The following ARHGEF28 variants were observed in gnomAD, a reference collection of about 807,000 sequenced individuals.
ARHGEF28 encodes Rho guanine nucleotide exchange factor 28, also known as 190 kDa guanine nucleotide exchange factor.
ARHGEF28 carries 152 observed loss-of-function variants against 206.6 expected under a neutral mutation model. That is an observed-to-expected ratio of 0.74 (90% CI 0.64 to 0.84). The LOEUF (loss-of-function observed/expected upper bound fraction) is 0.84, where lower values mean the gene tolerates loss of function less well. ARHGEF28 is among the 40% of genes least tolerant of loss of function. The pLI is 0.00. For synonymous variants in ARHGEF28, 763 were observed against 776.4 expected, an observed-to-expected ratio of 0.98 and a Z score of 0.29; for missense variants, 2,028 against 2,073.2, an observed-to-expected ratio of 0.98 and a Z score of 0.42.
intron 3 of ARHGEF28, 31 bp from the exon 4 acceptor site, chr5:73,752,878 G>A (rs745570406): frequency 1.6e-5 from 25 of 1,611,614 alleles, no homozygotes; most frequent in Non-Finnish European, 2.1e-5. Flanking sequence ...CTACAGACTT[G>A]GGGTGAACTG....
chr5:73,647,766 G>A (rs971580474), intron 1 of ARHGEF28, among the ~76,000 whole-genome samples: 12 of 152,198 alleles, frequency 7.9e-5, no homozygotes, highest in African/African-American at 2.4e-4. Context: ...AATTGATATT[G>A]AGGGTCAACC....
chr5:73,914,238 T>A (rs1763076785), intron 35 of ARHGEF28, among the ~76,000 whole-genome samples: 2 of 152,140 alleles, frequency 1.3e-5, no homozygotes, highest in Admixed American at 1.3e-4. Flanking sequence ...CCCACTGAGA[T>A]GGTTCTGTCC....
In ARHGEF28 at chr5:73,773,926, T is replaced by C. The variant is rs1753388368; in HGVS notation, c.547T>C (p.Leu183=). ...WGLAKLSQFF[L]CLPGGVQALA... ...CCTGGCTAAACTTTCCCAGTTCTTC[T>C]TGTGTCTCCCGGGGGGAGTCCAGGC... The change falls in exon 5 of 36, where the codon TTG becomes CTG. Residue 183 remains leucine (L), a synonymous_variant. Transcript: ENST00000513042. The C allele has an allele frequency of 1.2e-6, 2 of 1,608,688 alleles. No homozygotes were observed. Among genetic ancestry groups the C allele is most frequent in the Non-Finnish European group, 1.7e-6 (2 of 1,177,468 alleles).
chr5:73,873,625 A>G (rs1034311528), intron 22 of ARHGEF28, among the ~76,000 whole-genome samples: 1 of 152,206 alleles, frequency 6.6e-6, no homozygotes, highest in Admixed American at 6.5e-5. Flanking sequence ...CTAGAATGCC[A>G]TCTTCTCCAA....
Position 73,846,395 on chromosome 5 carries a change from T to A in ARHGEF28, c.1555T>A (p.Ser519Thr). The A allele has an allele frequency of 6.2e-7, 1 of 1,613,980 alleles. No individual in the cohort carries two copies. Among genetic ancestry groups the A allele is most frequent in the Non-Finnish European group, 8.5e-7 (1 of 1,179,860 alleles). Reference sequence around the variant, plus strand: ...GATTCCTAGTGGGGATGAATTGGACTCTTTTGAGACTAACACTGAACCGGA... The same window carrying A: ...GATTCCTAGTGGGGATGAATTGGACACTTTTGAGACTAACACTGAACCGGA... ...TGIPSGDELDSFETNTEPDFN... is the reference protein window; with the variant it reads ...TGIPSGDELDTFETNTEPDFN... Residue 519 changes from serine to threonine, a missense_variant, in exon 12 of 36, where the codon TCT becomes ACT. This residue lies in a region of ARHGEF28 where 1,002 missense variants were observed against 1,015.3 expected (regional missense o/e 0.99). Transcript: ENST00000513042.
In ARHGEF28 at chr5:73,849,048, C is replaced by A. The variant is rs540838470; in HGVS notation, c.1708C>A (p.Arg570Ser). The change falls in exon 13 of 36, where the codon CGT becomes AGT. Residue 570 changes from arginine (R) to serine (S), a missense_variant. Physicochemically the swap from Arg to Ser is moderately radical, Grantham distance 110. This residue lies in a region of ARHGEF28 where 1,002 missense variants were observed against 1,015.3 expected (regional missense o/e 0.99). Transcript: ENST00000513042. ...ACCCAAAATTTCTTTAGGAAAAACTCGTTTGGTGCGTGAATTAACAGTATG... is the reference window on the plus strand; with the variant it reads ...ACCCAAAATTTCTTTAGGAAAAACTAGTTTGGTGCGTGAATTAACAGTATG... ...SSPKISLGKT[R>S]LVRELTVCSS... The A allele has an allele frequency of 3.2e-6, 5 of 1,574,744 alleles. No homozygotes were observed. The highest frequency in any genetic ancestry group is 4.3e-6 in the Non-Finnish European group (5 of 1,157,946).
Position 73,838,171 on chromosome 5 carries a change from T to C in ARHGEF28, c.1147-2309T>C, listed in dbSNP as rs548532895. On this transcript the variant is annotated intron_variant, in intron 10 of 35. Transcript: ENST00000513042. ...CAAGTTAATTCAACAAACTGCAACA[T>C]AGCAGATTGCCAAGTTGTGCATTGT... Among the ~76,000 whole-genome samples, 20 of 152,346 alleles carry C rather than the reference T, an allele frequency of 1.3e-4. No homozygotes were observed. In the South Asian group the frequency reaches 3.7e-3, roughly 28 times the overall value.
At chr5:73,768,602 A>G (rs1161243765) in intron 4 of ARHGEF28, among the ~76,000 whole-genome samples, 2 of 152,050 alleles carry the variant, frequency 1.3e-5, no homozygotes, top group Non-Finnish European at 2.9e-5. Context: ...CTGTAACCCC[A>G]TTGTATCTAG....
chr5:73,780,034 T>A (rs2112459060), intron 6 of ARHGEF28, among the ~76,000 whole-genome samples: 1 of 152,324 alleles, frequency 6.6e-6, no homozygotes, highest in Non-Finnish European at 1.5e-5. Context: ...TGTCTTGGGC[T>A]GGCTTACTAT....
chr5:73,828,655 T>C (rs1187671546), intron 9 of ARHGEF28, among the ~76,000 whole-genome samples: 1 of 151,306 alleles, frequency 6.6e-6, no homozygotes, highest in Non-Finnish European at 1.5e-5. Context: ...TTCCTTTCCT[T>C]TTTCCTTTCC....
intron 29 of ARHGEF28, among the ~76,000 whole-genome samples, chr5:73,896,747 G>T (rs888471194): frequency 1.3e-5 from 2 of 152,148 alleles, no homozygotes; most frequent in African/African-American, 2.4e-5. Context: ...GAAATAAATC[G>T]CCCACTCTCA....
intron 2 of ARHGEF28, among the ~76,000 whole-genome samples, chr5:73,742,683 G>A (rs937086716): frequency 6.6e-6 from 1 of 150,810 alleles, no homozygotes; most frequent in Non-Finnish European, 1.5e-5. Flanking sequence ...ACTTAGCCGG[G>A]CGCGGTGGCG....
At chr5:73,853,919 G>T (rs1315165138) in intron 14 of ARHGEF28, among the ~76,000 whole-genome samples, 1 of 152,170 alleles carries the variant, frequency 6.6e-6, no homozygotes, top group Non-Finnish European at 1.5e-5. Flanking sequence ...ATTTAAGACC[G>T]AAGGAGCCAA....
intron 12 of ARHGEF28, among the ~76,000 whole-genome samples, chr5:73,848,158 A>G (rs1579982573): frequency 6.6e-6 from 1 of 152,232 alleles, no homozygotes; most frequent in African/African-American, 2.4e-5. Context: ...TTTATAGGAT[A>G]GAAGTTGGGT....
At chr5:73,878,107 C>T (rs1250577051) in intron 22 of ARHGEF28, among the ~76,000 whole-genome samples, 1 of 152,064 alleles carries the variant, frequency 6.6e-6, no homozygotes, top group Non-Finnish European at 1.5e-5. Flanking sequence ...TCTGGGTGCT[C>T]CTGTATTGGG....
chr5:73,849,202 T>C (rs566118921), intron 13 of ARHGEF28, 115 bp downstream of exon 13: 9 of 767,432 alleles, frequency 1.2e-5, no homozygotes, highest in South Asian at 1.1e-4. Flanking sequence ...CCATTCTGTT[T>C]TCATAACTGG....
chr5:73,883,708 C>A, intron 23 of ARHGEF28, 59 bp from the exon 24 acceptor site: 1 of 1,109,088 alleles, frequency 9.0e-7, no homozygotes, highest in East Asian at 2.7e-5. Context: ...TTGTTACATT[C>A]ACACCTGAAA....
At chr5:73,761,955 C>T (rs1177984251) in intron 4 of ARHGEF28, among the ~76,000 whole-genome samples, 1 of 151,206 alleles carries the variant, frequency 6.6e-6, no homozygotes. Context: ...CTCATCCTCC[C>T]TAGTAACTGG....
intron 1 of ARHGEF28, among the ~76,000 whole-genome samples, chr5:73,642,381 G>A (rs774032325): frequency 1.4e-4 from 21 of 152,084 alleles, no homozygotes; most frequent in South Asian, 4.1e-4. Context: ...TGGCTATTTG[G>A]TTGGTCAATT....
Sources: allele counts gnomAD v4.1 joint callset (sites outside exome capture counted in the v4.1 genomes callset), GRCh38; gene constraint gnomAD v4.1.1; regional missense constraint gnomAD v4.1.1; transcripts MANE v1.5; gene names NCBI Gene and HGNC (gene_info 2026-07-23, HGNC 2026-07-21).